MYOF: variants seen among roughly 807,000 people sequenced by gnomAD.
MYOF encodes the protein fer-1-like 3, myoferlin.
MYOF carries 244 observed loss-of-function variants against 284.2 expected under a neutral mutation model. The observed-to-expected ratio is 0.86, with a 90% CI of 0.77 to 0.95. The LOEUF (loss-of-function observed/expected upper bound fraction) is 0.95, where lower values mean the gene tolerates loss of function less well. Ranked by LOEUF, MYOF falls within the 40% of genes least tolerant of loss-of-function variation. The pLI, the probability that MYOF is intolerant of heterozygous loss-of-function variation, is 0.00. For missense variants in MYOF, 2,496 were observed against 2,560.6 expected, an observed-to-expected ratio of 0.97 and a Z score of 0.54; for synonymous variants, 904 against 919.7, an observed-to-expected ratio of 0.98 and a Z score of 0.31.
rs1453397793 is a variant in MYOF, at chr10:93,329,846, A to C, written c.4812-12T>G. Reference sequence around the variant, plus strand: ...TCAGTTCGTACATCCTAAATAAACAAATGCAAGGTCAGAATCTTCATGATC... The same window carrying C: ...TCAGTTCGTACATCCTAAATAAACACATGCAAGGTCAGAATCTTCATGATC... On this transcript the variant is annotated splice_polypyrimidine_tract_variant and intron_variant, in intron 43 of 53. Coordinates refer to ENST00000359263, the MANE Select transcript of MYOF (RefSeq NM_013451.4). 2 of 1,613,704 alleles carry C rather than the reference A, an allele frequency of 1.2e-6. No homozygotes were observed. Among genetic ancestry groups the C allele is most frequent in the South Asian group, 2.2e-5 (2 of 91,066 alleles).
chr10:93,392,533 C>G (rs1177952182), intron 17 of MYOF, among the ~76,000 whole-genome samples: 2 of 152,112 alleles, frequency 1.3e-5, no homozygotes, highest in Non-Finnish European at 2.9e-5. Context: ...ATTTTTCAAC[C>G]TAGAGATTCA....
Position 93,363,103 on chromosome 10 carries a change from T to C in MYOF, c.2868+858A>G, listed in dbSNP as rs146067392. ...CATATAATAAAACATTCTGCAACCA[T>C]TTTTTAAAAGCTCATAGATCTATAT... On this transcript the variant is annotated intron_variant, in intron 27 of 53. Coordinates refer to ENST00000359263, the MANE Select transcript of MYOF (RefSeq NM_013451.4). 8.5e-5 allele frequency among the ~76,000 whole-genome samples: 13 copies of C among 152,340 alleles called. No homozygotes were observed. In the East Asian group the frequency reaches 2.5e-3, roughly 29 times the overall value.
chr10:93,443,009 T>A (rs1018586242), intron 3 of MYOF, among the ~76,000 whole-genome samples: 3 of 151,874 alleles, frequency 2.0e-5, no homozygotes, highest in Admixed American at 6.6e-5. Context: ...AAAAAATACA[T>A]AAATTAGCTG....
rs186476657 is a variant in MYOF at position 93,426,686 on chromosome 10, C to T, written c.346-528G>A. 7.3e-3 allele frequency among the ~76,000 whole-genome samples: 1,104 copies of T among 152,038 alleles called. 12 individuals are homozygous for T. The highest frequency in any genetic ancestry group is 0.025 in the African/African-American group (1,041 of 41,484). ...GGTGGATCACCTGAGGTCAGGAGTT[C>T]GACACCAACCTGGCCAACATGGCGA... On this transcript the variant is annotated intron_variant, in intron 4 of 53. Transcript: ENST00000359263.
At chr10:93,348,978 A>G (rs1412856720) in intron 36 of MYOF, among the ~76,000 whole-genome samples, 1 of 152,076 alleles carries the variant, frequency 6.6e-6, no homozygotes, top group Non-Finnish European at 1.5e-5. Context: ...CCTCCTCTGT[A>G]ATGTAAAATA....
At chr10:93,312,692 C>T (rs1842442638) in intron 51 of MYOF, among the ~76,000 whole-genome samples, 2 of 151,800 alleles carry the variant, frequency 1.3e-5, no homozygotes, top group African/African-American at 4.8e-5. Flanking sequence ...TTCCCTTTTC[C>T]ATACGAAATT....
chr10:93,339,619 A>C (rs921157904), intron 39 of MYOF, among the ~76,000 whole-genome samples: 5 of 151,734 alleles, frequency 3.3e-5, no homozygotes, highest in African/African-American at 1.2e-4. Flanking sequence ...ACAAGCACTC[A>C]CCACCACGCC....
chr10:93,453,909 G>C (rs968341729), intron 2 of MYOF, among the ~76,000 whole-genome samples: 1 of 151,812 alleles, frequency 6.6e-6, no homozygotes, highest in Admixed American at 6.6e-5. Flanking sequence ...AGAGCCGGGC[G>C]CAGTGGCTCA....
Position 93,306,773 on chromosome 10 carries a change from A to C in MYOF, c.*190T>G. Reference sequence around the variant, plus strand: ...AAACTTTTAATACTTAAGAGATAACATGATGCAAACGTTGCTTGTTGGCCT... The same window carrying C: ...AAACTTTTAATACTTAAGAGATAACCTGATGCAAACGTTGCTTGTTGGCCT... On this transcript the variant is annotated 3_prime_UTR_variant, in exon 54 of 54. Transcript: ENST00000359263. 1 of 619,758 alleles carries C rather than the reference A, an allele frequency of 1.6e-6. No individual in the cohort carries two copies. The highest frequency in any genetic ancestry group is 2.9e-6 in the Non-Finnish European group (1 of 347,268). 38.4% of individuals were successfully genotyped at this position (619,758 alleles called of 1,614,324 possible). A position where few individuals can be genotyped will look rare whatever the true frequency, so the allele number is the denominator to read the frequency against.
chr10:93,350,110 A>G (rs2133883681), intron 35 of MYOF, 141 bp from the exon 36 acceptor site: 2 of 869,698 alleles, frequency 2.3e-6, no homozygotes, highest in African/African-American at 1.7e-5. Flanking sequence ...AGGTCATCCA[A>G]AGAAAGTGGT....
At chr10:93,332,538 G>T (rs1049096512) in intron 43 of MYOF, among the ~76,000 whole-genome samples, 1 of 151,246 alleles carries the variant, frequency 6.6e-6, no homozygotes, top group Non-Finnish European at 1.5e-5. Flanking sequence ...TCTCTTAAAA[G>T]CTAAGTACAT....
At chr10:93,481,161 C>G (rs138504032) in intron 1 of MYOF, among the ~76,000 whole-genome samples, 122 of 152,308 alleles carry the variant, frequency 8.0e-4, no homozygotes, top group Non-Finnish European at 1.2e-3. Context: ...CTGTCCCCTC[C>G]CCTGCAATGG....
In MYOF at chr10:93,427,207, C is replaced by CAA. The variant is rs1347063647; in HGVS notation, c.346-1051_346-1050dup. Among the ~76,000 whole-genome samples the CAA allele has an allele frequency of 4.4e-3, 587 of 134,486 alleles. 3 individuals carry two copies. Among genetic ancestry groups the CAA allele is most frequent in the African/African-American group, 0.017 (545 of 32,368 alleles). The allele number at this position is 134,486 out of a possible 152,430, so 88.2% of individuals were successfully genotyped here. A position where few individuals can be genotyped will look rare whatever the true frequency, so the allele number is the denominator to read the frequency against. On this transcript the variant is annotated intron_variant, in intron 4 of 53. Coordinates refer to ENST00000359263, the MANE Select transcript of MYOF (RefSeq NM_013451.4). The stretch of plus-strand genomic sequence containing the variant: ...GGGGAGACTCTGTCTTAAAACAAAA[C>CAA]AAAACAAAACAAAAAAAAACAGAGA...
intron 39 of MYOF, 89 bp from the exon 40 acceptor site, chr10:93,338,002 A>C (rs1402666933): frequency 5.2e-6 from 5 of 955,366 alleles, no homozygotes; most frequent in Non-Finnish European, 8.4e-6. Context: ...GTTAAGAAGA[A>C]ATAGGTTCTT....
intron 17 of MYOF, among the ~76,000 whole-genome samples, chr10:93,390,253 T>C (rs1471532424): frequency 6.6e-6 from 1 of 152,234 alleles, no homozygotes; most frequent in East Asian, 1.9e-4. Flanking sequence ...GCACAGTCAT[T>C]TTCATTACGT....
At chr10:93,425,848 C>T in intron 5 of MYOF, 1 of 575,112 alleles carries the variant, frequency 1.7e-6, no homozygotes, top group South Asian at 2.0e-5. Context: ...TGAGGTTGTT[C>T]AGTAAAGGGT....
intron 4 of MYOF, among the ~76,000 whole-genome samples, chr10:93,427,361 T>A (rs1848641775): frequency 6.6e-6 from 1 of 151,296 alleles, no homozygotes; most frequent in Non-Finnish European, 1.5e-5. Flanking sequence ...TAAAACCCCA[T>A]CTCTACTAAA....
chr10:93,427,671 T>TAAA (rs1218205174), intron 4 of MYOF, among the ~76,000 whole-genome samples: 2 of 152,022 alleles, frequency 1.3e-5, no homozygotes, highest in Non-Finnish European at 2.9e-5. Flanking sequence ...ATAATTGCCA[T>TAAA]TTCTGTTGCA....
chr10:93,387,991 C>T (rs1846479110), intron 18 of MYOF, 78 bp from the exon 19 acceptor site: 2 of 1,154,952 alleles, frequency 1.7e-6, no homozygotes, highest in East Asian at 2.4e-5. Flanking sequence ...CAGGCTAATA[C>T]AACTGCAAAA....
Sources: allele counts gnomAD v4.1 joint callset (sites outside exome capture counted in the v4.1 genomes callset), GRCh38; gene constraint gnomAD v4.1.1; transcripts MANE v1.5; gene names NCBI Gene and HGNC (gene_info 2026-07-23, HGNC 2026-07-21).